The following CHL1 variants were observed in gnomAD, a reference collection of about 807,000 sequenced individuals.
CHL1 encodes cell adhesion molecule L1 like.
In CHL1, 96 loss-of-function variants were observed where a neutral mutation model predicts 141.9. That is an observed-to-expected ratio of 0.68 (90% CI 0.57 to 0.80). The LOEUF (loss-of-function observed/expected upper bound fraction) is 0.80. Among genes scored for constraint, CHL1 ranks in the 30% least tolerant of loss-of-function variants. CHL1 has a pLI of 0.00. For synonymous variants in CHL1, 613 were observed against 502.2 expected, an observed-to-expected ratio of 1.22 and a Z score of -2.95; for missense variants, 1,820 against 1,457.2, an observed-to-expected ratio of 1.25 and a Z score of -4.05.
chr3:224,598 C>T (rs751700960), intron 1 of CHL1, among the ~76,000 whole-genome samples: 5 of 152,000 alleles, frequency 3.3e-5, no homozygotes, highest in Admixed American at 2.0e-4. Flanking sequence ...CCTTCTACCA[C>T]GAGTAAAAAC....
At chr3:395,980 C>T (rs1302732654) in intron 24 of CHL1, among the ~76,000 whole-genome samples, 2 of 152,128 alleles carry the variant, frequency 1.3e-5, no homozygotes, top group African/African-American at 4.8e-5. Context: ...TATGCTCTGA[C>T]CTTTAATATT....
chr3:365,911 C>G, intron 14 of CHL1, 39 bp from the exon 15 acceptor site: 1 of 1,549,036 alleles, frequency 6.5e-7, no homozygotes, highest in Non-Finnish European at 8.8e-7. Flanking sequence ...AAGTAAGTTA[C>G]GCTTAGTTCT....
chr3:358,364 G>A (rs1703904911), intron 11 of CHL1, among the ~76,000 whole-genome samples: 1 of 152,068 alleles, frequency 6.6e-6, no homozygotes, highest in Non-Finnish European at 1.5e-5. Context: ...TGATTTTCAG[G>A]AGCTTTGTGA....
chr3:331,847 C>T (rs1575087704), intron 5 of CHL1, among the ~76,000 whole-genome samples: 2 of 152,124 alleles, frequency 1.3e-5, no homozygotes, highest in East Asian at 1.9e-4. Context: ...CTTTAGTTAC[C>T]AGAAACAGAC....
chr3:398,256 A>G lies in CHL1; in HGVS notation c.3124A>G (p.Asn1042Asp). The G allele has an allele frequency of 6.2e-7, 1 of 1,605,384 alleles. No individual in the cohort carries two copies. The highest frequency in any genetic ancestry group is 8.5e-7 in the Non-Finnish European group (1 of 1,173,082). The part of the protein sequence containing the change: ...SKGIGKISGV[N>D]LTQKTHPIEV... ...AGGTATCGGGAAGATATCAGGAGTA[A>G]ATCTTACTCAAAAGACTCACCCAAT... Residue 1042 changes from asparagine (N) to aspartate (D), a missense_variant, in exon 25 of 28, where the codon AAT (asparagine) becomes GAT (aspartate). Transcript: ENST00000256509.
chr3:270,943 G>C (rs1017073608), intron 2 of CHL1, among the ~76,000 whole-genome samples: 2 of 152,182 alleles, frequency 1.3e-5, no homozygotes, highest in African/African-American at 4.8e-5. Context: ...AGAACCAAGA[G>C]GAAGTAGAAA....
intron 2 of CHL1, among the ~76,000 whole-genome samples, chr3:291,620 C>T (rs560836462): frequency 6.6e-6 from 1 of 152,094 alleles, no homozygotes; most frequent in South Asian, 2.1e-4. Flanking sequence ...AATAAATTTT[C>T]CTATACATTG....
chr3:265,032 A>G (rs1363559149), intron 2 of CHL1, among the ~76,000 whole-genome samples: 1 of 152,222 alleles, frequency 6.6e-6, no homozygotes, highest in African/African-American at 2.4e-5. Flanking sequence ...TCTAATGTGC[A>G]CTACTACTCC....
intron 2 of CHL1, among the ~76,000 whole-genome samples, chr3:269,187 G>C (rs954185885): frequency 6.6e-6 from 1 of 152,168 alleles, no homozygotes; most frequent in African/African-American, 2.4e-5. Context: ...GCAGGAAGGA[G>C]GAGAGTAGCT....
At chr3:299,941 T>G (rs897393918) in intron 2 of CHL1, among the ~76,000 whole-genome samples, 3 of 152,214 alleles carry the variant, frequency 2.0e-5, no homozygotes, top group African/African-American at 7.2e-5. Flanking sequence ...TCCTGGCACC[T>G]CTTCAACAGG....
intron 2 of CHL1, among the ~76,000 whole-genome samples, chr3:268,326 G>A (rs569510110): frequency 1.4e-4 from 22 of 152,236 alleles, no homozygotes; most frequent in Admixed American, 7.9e-4. Context: ...TTGAGGTCAC[G>A]AGTTTGAGAG....
chr3:227,315 TTGGGGTC>T (rs1210864433), intron 1 of CHL1, among the ~76,000 whole-genome samples: 1 of 152,108 alleles, frequency 6.6e-6, no homozygotes, highest in Non-Finnish European at 1.5e-5. Flanking sequence ...AAATCCAAAG[TTGGGGTC>T]TAGAATACAA....
chr3:313,245 C>G (rs1699896264), intron 2 of CHL1, among the ~76,000 whole-genome samples: 1 of 152,042 alleles, frequency 6.6e-6, no homozygotes, highest in South Asian at 2.1e-4. Flanking sequence ...ATATTTTCTT[C>G]TTGGAAATTT....
At chr3:296,353 A>G (rs2124857042) in intron 2 of CHL1, among the ~76,000 whole-genome samples, 1 of 152,318 alleles carries the variant, frequency 6.6e-6, no homozygotes, top group East Asian at 1.9e-4. Context: ...TTTATATACC[A>G]AAATTCTGTG....
Position 361,733 on chromosome 3 carries a change from A to C in CHL1, c.1341A>C (p.Glu447Asp). The stretch of plus-strand genomic sequence containing the variant: ...CATTGATACAAACCAAAGATGGAGA[A>C]AATTACGCTACAGTGGTTGGGTACA... ...VRPLIQTKDG[E>D]NYATVVGYSA... The change falls in exon 13 of 28, where the codon GAA (glutamate) becomes GAC (aspartate). Residue 447 changes from glutamate (E) to aspartate (D), a missense_variant. Glu to Asp is a conservative substitution (Grantham distance 45, BLOSUM62 2). Coordinates refer to ENST00000256509, the MANE Select transcript of CHL1 (RefSeq NM_006614.4). The C allele has an allele frequency of 6.2e-7, 1 of 1,613,584 alleles. No homozygotes were observed. The highest frequency in any genetic ancestry group is 8.5e-7 in the Non-Finnish European group (1 of 1,179,570).
chr3:312,306 G>C (rs554342418), intron 2 of CHL1, among the ~76,000 whole-genome samples: 7 of 152,146 alleles, frequency 4.6e-5, no homozygotes, highest in Non-Finnish European at 1.0e-4. Context: ...ACTCTAAGCA[G>C]TTCTTTTGTC....
chr3:213,945 C>G (rs1486852455), intron 1 of CHL1, among the ~76,000 whole-genome samples: 2 of 152,138 alleles, frequency 1.3e-5, no homozygotes, highest in African/African-American at 4.8e-5. Flanking sequence ...AAGGCTTCCT[C>G]ACATATTATA....
chr3:347,230 T>C (rs1017829335), intron 9 of CHL1, among the ~76,000 whole-genome samples: 1 of 152,170 alleles, frequency 6.6e-6, no homozygotes, highest in African/African-American at 2.4e-5. Context: ...GATACTACTT[T>C]ATAAATAGAG....
chr3:228,849 G>C (rs1574780058), intron 1 of CHL1, among the ~76,000 whole-genome samples: 1 of 152,118 alleles, frequency 6.6e-6, no homozygotes, highest in Non-Finnish European at 1.5e-5. Context: ...TTGATTTAAT[G>C]GTGGATTTGA....
Sources: allele counts gnomAD v4.1 joint callset (sites outside exome capture counted in the v4.1 genomes callset), GRCh38; gene constraint gnomAD v4.1.1; transcripts MANE v1.5; gene names NCBI Gene and HGNC (gene_info 2026-07-23, HGNC 2026-07-21).